The following LOC400499 variants were observed in gnomAD, a reference collection of about 807,000 sequenced individuals.
chr16:11,460,741 C>A, the LOC400499 span: 1 of 1,347,350 alleles, frequency 7.4e-7, no homozygotes, highest in South Asian at 1.5e-5. Context: ...CCTGTCACTC[C>A]ATTAGAACCT....
the LOC400499 span, among the ~76,000 whole-genome samples, chr16:11,506,351 T>G: frequency 7.9e-5 from 12 of 152,324 alleles, no homozygotes; most frequent in Admixed American, 4.6e-4. Flanking sequence ...AACAGCAGTG[T>G]TTAACAACCA....
At chr16:11,423,158 C>G in the LOC400499 span, 2 of 399,296 alleles carry the variant, frequency 5.0e-6, no homozygotes, top group African/African-American at 4.1e-5. Context: ...AACCATCCAG[C>G]CCAGGACAGA....
At chr16:11,410,708 AT>A in the LOC400499 span, among the ~76,000 whole-genome samples, 127,882 of 152,166 alleles carry the variant, frequency 0.84, 54,087 homozygotes, top group African/African-American at 0.88. Context: ...TTCATGCCCT[AT>A]TTTTTTTACT....
At chr16:11,474,677 T>C in the LOC400499 span, among the ~76,000 whole-genome samples, 2 of 148,258 alleles carry the variant, frequency 1.3e-5, no homozygotes, top group African/African-American at 2.5e-5. Flanking sequence ...CTGGATAACA[T>C]GGTGGAACCC....
chr16:11,428,764 T>A, the LOC400499 span, among the ~76,000 whole-genome samples: 2 of 152,166 alleles, frequency 1.3e-5, no homozygotes, highest in Non-Finnish European at 2.9e-5. Flanking sequence ...ACCCAGCCCC[T>A]ATTCAAGATG....
chr16:11,505,572 G>A, the LOC400499 span, among the ~76,000 whole-genome samples: 1 of 143,518 alleles, frequency 7.0e-6, no homozygotes, highest in East Asian at 2.2e-4. Flanking sequence ...TCCTCCCTCA[G>A]CTTCCCAAGT....
chr16:11,449,242 G>A, the LOC400499 span: 3 of 765,832 alleles, frequency 3.9e-6, no homozygotes, highest in African/African-American at 3.5e-5. Flanking sequence ...TTTCTCTGAC[G>A]CCTAACCTGA....
chr16:11,473,962 C>A, the LOC400499 span, among the ~76,000 whole-genome samples: 2 of 152,166 alleles, frequency 1.3e-5, no homozygotes, highest in South Asian at 4.1e-4. Flanking sequence ...CTCAAGCGGA[C>A]TTCCTGTCAG....
the LOC400499 span, chr16:11,423,272 G>A: frequency 2.5e-6 from 1 of 399,052 alleles, no homozygotes; most frequent in Admixed American, 4.4e-5. Flanking sequence ...GAGACCAGTG[G>A]GTGGGAAGGG....
the LOC400499 span, among the ~76,000 whole-genome samples, chr16:11,461,480 C>T: frequency 2.6e-5 from 4 of 152,162 alleles, no homozygotes; most frequent in South Asian, 2.1e-4. Context: ...GTTAGCTTCC[C>T]GAAGTGCTGG....
chr16:11,374,299 A>G, the LOC400499 span, among the ~76,000 whole-genome samples: 1 of 152,180 alleles, frequency 6.6e-6, no homozygotes, highest in Non-Finnish European at 1.5e-5. Flanking sequence ...CATGCCTAGC[A>G]CAGAGATGCT....
the LOC400499 span, chr16:11,500,784 G>A: frequency 2.3e-5 from 9 of 398,986 alleles, no homozygotes; most frequent in Non-Finnish European, 3.1e-5. Context: ...CGGGGCCCCG[G>A]GTGGGGTGCA....
chr16:11,510,588 C>T, the LOC400499 span, among the ~76,000 whole-genome samples: 1 of 151,662 alleles, frequency 6.6e-6, no homozygotes, highest in Non-Finnish European at 1.5e-5. Flanking sequence ...GCTTTTTCCC[C>T]ATCAATGATT....
chr16:11,373,306 C>A, the LOC400499 span, among the ~76,000 whole-genome samples: 1 of 152,146 alleles, frequency 6.6e-6, no homozygotes, highest in African/African-American at 2.4e-5. Flanking sequence ...AAAGGAAGTG[C>A]CCTTCTATCC....
the LOC400499 span, among the ~76,000 whole-genome samples, chr16:11,500,591 G>C: frequency 6.6e-6 from 1 of 151,854 alleles, no homozygotes; most frequent in African/African-American, 2.4e-5. Context: ...ACACAGGTGG[G>C]AGGCACATTG....
chr16:11,485,711 T>G, the LOC400499 span, among the ~76,000 whole-genome samples: 2 of 152,188 alleles, frequency 1.3e-5, no homozygotes, highest in Non-Finnish European at 2.9e-5. Context: ...TATGGACCCC[T>G]CTCCTTCTAT....
At chr16:11,447,182 CAGCATCTGGTGTCACA>C in the LOC400499 span, among the ~76,000 whole-genome samples, 3 of 152,230 alleles carry the variant, frequency 2.0e-5, no homozygotes, top group African/African-American at 7.2e-5. Flanking sequence ...AGATGACACA[CAGCATCTGGTGTCACA>C]CAGACTGGGA....
At chr16:11,495,101 C>T in the LOC400499 span, among the ~76,000 whole-genome samples, 1 of 151,844 alleles carries the variant, frequency 6.6e-6, no homozygotes, top group Non-Finnish European at 1.5e-5. Context: ...CCCAACTACT[C>T]GGGAGGCTAA....
the LOC400499 span, chr16:11,442,559 T>C: frequency 6.6e-6 from 1 of 152,286 alleles, no homozygotes; most frequent in East Asian, 1.9e-4. Context: ...AGCTAAATTA[T>C]ATGAAACTAA....
Sources: gnomAD v4.1 joint callset for allele counts (sites outside exome capture counted in the v4.1 genomes callset) on GRCh38, gnomAD v4.1.1 for gene constraint, MANE v1.5 for transcripts.